BUD13: variants seen among roughly 807,000 people sequenced by gnomAD.
BUD13 encodes the protein BUD13 homolog.
Under a neutral mutation model 62.5 loss-of-function variants are expected in BUD13, and 47 were observed. The ratio of observed to expected loss-of-function variants is 0.75; its 90% CI spans 0.60 to 0.96. BUD13 has a LOEUF of 0.96. Ranked by LOEUF, BUD13 falls within the 40% of genes least tolerant of loss-of-function variation. The probability of loss-of-function intolerance (pLI) is 0.00; values close to 1 mark genes in which losing one functional copy is unlikely to be tolerated. For missense variants in BUD13, 821 were observed against 790.9 expected (o/e 1.04, Z -0.46); for synonymous variants, 293 against 280.1 (o/e 1.05, Z -0.46).
intron 2 of BUD13, among the ~76,000 whole-genome samples, chr11:116,767,670 T>A (rs1940556139): frequency 6.6e-6 from 1 of 151,778 alleles, no homozygotes; most frequent in Non-Finnish European, 1.5e-5. Context: ...TTGGTTTTGT[T>A]TTGTTAATAA....
At chr11:116,749,019 A>C (rs1940189485) in intron 9 of BUD13, among the ~76,000 whole-genome samples, 1 of 151,226 alleles carries the variant, frequency 6.6e-6, no homozygotes, top group Non-Finnish European at 1.5e-5. Flanking sequence ...AGAAACAAAA[A>C]AGAAAAGAAA....
chr11:116,758,539 C>G, intron 6 of BUD13, 132 bp from the exon 7 acceptor site: 4 of 806,330 alleles, frequency 5.0e-6, no homozygotes, highest in Non-Finnish European at 7.5e-6. Context: ...TTCCTACCAA[C>G]ATCTTGGTGC....
At chr11:116,765,935 A>G (rs1039479400) in intron 2 of BUD13, among the ~76,000 whole-genome samples, 3 of 152,250 alleles carry the variant, frequency 2.0e-5, no homozygotes, top group Admixed American at 2.0e-4. Flanking sequence ...ACACAGAATC[A>G]TTAATCTTTA....
At chr11:116,753,705 T>C (rs562431004) in intron 9 of BUD13, among the ~76,000 whole-genome samples, 3 of 152,312 alleles carry the variant, frequency 2.0e-5, no homozygotes, top group Non-Finnish European at 4.4e-5. Flanking sequence ...AAAGCACTAA[T>C]TACATATCAT....
At chr11:116,756,329 G>A (rs1012751183) in intron 9 of BUD13, among the ~76,000 whole-genome samples, 2 of 152,078 alleles carry the variant, frequency 1.3e-5, no homozygotes, top group Non-Finnish European at 2.9e-5. Context: ...CTGGCAACAT[G>A]GTGAAACTCC....
At chr11:116,750,329 A>T (rs1940211309) in intron 9 of BUD13, among the ~76,000 whole-genome samples, 1 of 152,200 alleles carries the variant, frequency 6.6e-6, no homozygotes, top group Non-Finnish European at 1.5e-5. Context: ...TGGACCTCAA[A>T]TCCCTTTAAT....
At chr11:116,754,186 T>C (rs989526237) in intron 9 of BUD13, among the ~76,000 whole-genome samples, 13 of 152,190 alleles carry the variant, frequency 8.5e-5, no homozygotes, top group Non-Finnish European at 8.8e-5. Flanking sequence ...GCTGGGACTA[T>C]AGGCGTGTGC....
At chr11:116,748,668 G>A (rs1940180907) in intron 9 of BUD13, 93 bp from the exon 10 acceptor site, 3 of 1,279,872 alleles carry the variant, frequency 2.3e-6, no homozygotes, top group East Asian at 4.7e-5. Flanking sequence ...AATGAAAAGG[G>A]GGGAAAGTAA....
At position 116,772,928 on chromosome 11, in the gene BUD13, G is replaced by C. The variant is rs899482083; in HGVS notation, c.37C>G (p.Leu13Val). The change falls in exon 1 of 10, where the codon CTG (leucine) becomes GTG (valine). Residue 13 changes from leucine to valine, a missense_variant. This residue lies in a region of BUD13 where 800 missense variants were observed against 739.2 expected (regional missense o/e 1.08). Coordinates refer to ENST00000260210, the MANE Select transcript of BUD13 (RefSeq NM_032725.4). ...TCTGCCCCGGACAAGTAACGCTTCA[G>C]ATACTCGGCCTTGGAAAGCGGCGGA... ...AAPPLSKAEYLKRYLSGADAG... is the reference protein window; with the variant it reads ...AAPPLSKAEYVKRYLSGADAG... 11 of 1,586,002 alleles carry C rather than the reference G, an allele frequency of 6.9e-6. No individual in the cohort carries two copies. The highest frequency in any genetic ancestry group is 8.6e-6 in the Non-Finnish European group (10 of 1,166,446).
At chr11:116,752,874 T>C (rs1940261860) in intron 9 of BUD13, among the ~76,000 whole-genome samples, 1 of 152,148 alleles carries the variant, frequency 6.6e-6, no homozygotes, top group Admixed American at 6.5e-5. Context: ...CAAGCGATCT[T>C]CCTGCCTCAG....
In BUD13 at chr11:116,760,910, C is replaced by A. The variant is rs1017684654; in HGVS notation, c.1079G>T (p.Arg360Leu). 24 of 1,613,978 alleles carry A rather than the reference C, an allele frequency of 1.5e-5. No homozygotes were observed. Among genetic ancestry groups the A allele is most frequent in the Non-Finnish European group, 2.0e-5 (24 of 1,179,962 alleles). Residue 360 changes from arginine (R) to leucine (L), a missense_variant, in exon 5 of 10, where the codon CGG (arginine) becomes CTG (leucine). Around this residue, in one of 2 missense-constraint regions of BUD13, gnomAD observed 800 missense variants for 739.2 expected, o/e 1.08. Transcript: ENST00000260210. ...CTGGTGCCCTGGACTTTGTTTATGCCGTGGAGAAGAAAGGTCTGAATCAGT... is the reference window on the plus strand; with the variant it reads ...CTGGTGCCCTGGACTTTGTTTATGCAGTGGAGAAGAAAGGTCTGAATCAGT... The part of the protein sequence containing the change: ...KATDSDLSSP[R>L]HKQSPGHQDS...
At chr11:116,751,259 A>G (rs1940227335) in intron 9 of BUD13, among the ~76,000 whole-genome samples, 2 of 152,212 alleles carry the variant, frequency 1.3e-5, no homozygotes, top group East Asian at 1.9e-4. Context: ...CCTACTACCT[A>G]GCTGCTTACA....
chr11:116,757,164 C>T lies in BUD13; in HGVS notation c.1748G>A (p.Arg583His). 6.2e-7 allele frequency: 1 copy of T among 1,614,060 alleles called. No individual in the cohort carries two copies. The highest frequency in any genetic ancestry group is 8.5e-7 in the Non-Finnish European group (1 of 1,179,940). Residue 583 changes from arginine to histidine, a missense_variant, in exon 9 of 10, where the codon CGC (arginine) becomes CAC (histidine). By Grantham distance (29) the Arg-to-His change is conservative (BLOSUM62 0). Around this residue, in one of 2 missense-constraint regions of BUD13, gnomAD observed 21 missense variants for 51.7 expected, o/e 0.41. Transcript: ENST00000260210. ...GGCTTACCTGTCCACTCCGTCCCAG[C>T]GATATCCAGGCCAGATATTAAATCT... is the stretch of plus-strand genomic sequence containing the variant. ...PNRFNIWPGY[R>H]WDGVDRSNGF... is the part of the protein sequence containing the mutation.
rs1436145318 is a variant in BUD13 at position 116,762,980 on chromosome 11, TG to T, written c.608del (p.Pro203GlnfsTer230). 6.2e-6 allele frequency: 10 copies of T among 1,612,298 alleles called. No individual in the cohort carries two copies. On this transcript the variant is annotated frameshift_variant, in exon 4 of 10. Transcript: ENST00000260210. LOFTEE classifies it high-confidence loss of function. The part of the protein sequence containing the change: ...ARHDSPDPSP[P>X]RRPQHNSSGA... Reference sequence around the variant, plus strand: ...CTGAAGAATTATGCTGAGGCCTCCTTGGGGGAGAAGGATCTGGAGAATCATG... The same window carrying T: ...CTGAAGAATTATGCTGAGGCCTCCTTGGGGAGAAGGATCTGGAGAATCATG...
intron 2 of BUD13, among the ~76,000 whole-genome samples, chr11:116,768,090 C>G (rs1027073434): frequency 1.3e-5 from 2 of 151,834 alleles, no homozygotes. Flanking sequence ...ATTGGTAGCA[C>G]CTTTTGGAAA....
Position 116,762,659 on chromosome 11 carries a change from C to T in BUD13, c.930G>A (p.Leu310=). 4 of 1,614,144 alleles carry T rather than the reference C, an allele frequency of 2.5e-6. No individual in the cohort carries two copies. Among genetic ancestry groups the T allele is most frequent in the Non-Finnish European group, 3.4e-6 (4 of 1,180,028 alleles). ...PHWKESGASH[L]SFPKNSKYEY... The stretch of plus-strand genomic sequence containing the variant: ...CATATTTGCTGTTCTTTGGGAATGA[C>T]AAATGGGAGGCTCCTGACTCCTTCC... Residue 310 remains leucine, a synonymous_variant, in exon 4 of 10, where the codon TTG becomes TTA. Coordinates refer to ENST00000260210, the MANE Select transcript of BUD13 (RefSeq NM_032725.4).
intron 1 of BUD13, among the ~76,000 whole-genome samples, chr11:116,772,068 ATCCATACTTCC>A (rs1329167803): frequency 6.6e-6 from 1 of 151,622 alleles, no homozygotes; most frequent in African/African-American, 2.4e-5. Flanking sequence ...CTGTGTCTGT[ATCCATACTTCC>A]CTCTTTTTAA....
chr11:116,772,038 T>A (rs774927200), intron 1 of BUD13, among the ~76,000 whole-genome samples: 8 of 152,244 alleles, frequency 5.3e-5, no homozygotes, highest in Non-Finnish European at 1.2e-4. Context: ...CATCTAGACA[T>A]GGTCGTTTTT....
At chr11:116,761,070 A>ATTT in intron 4 of BUD13, 118 bp from the exon 5 acceptor site, 4 of 634,778 alleles carry the variant, frequency 6.3e-6, no homozygotes, top group South Asian at 2.6e-5. Flanking sequence ...CATTATTATT[A>ATTT]TTTTTTTTTT....
Sources: allele counts gnomAD v4.1 joint callset (sites outside exome capture counted in the v4.1 genomes callset), GRCh38; gene constraint gnomAD v4.1.1; regional missense constraint gnomAD v4.1.1; transcripts MANE v1.5; gene names NCBI Gene and HGNC (gene_info 2026-07-23, HGNC 2026-07-21).